PRELID2: variants seen among roughly 807,000 people sequenced by gnomAD.
The protein encoded by PRELID2 is PRELI domain-containing protein 2.
PRELID2 carries 25 observed loss-of-function variants against 28.4 expected under a neutral mutation model. That is an observed-to-expected ratio of 0.88 (90% CI 0.64 to 1.23). PRELID2 has a LOEUF of 1.23. Ranked by LOEUF, PRELID2 falls within the 50% of genes most tolerant of loss-of-function variation. The probability of loss-of-function intolerance (pLI) is 0.00; values close to 1 mark genes in which losing one functional copy is unlikely to be tolerated. For synonymous variants in PRELID2, 76 were observed against 71.6 expected (o/e 1.06, Z -0.31); for missense variants, 201 against 214.4 (o/e 0.94, Z 0.39).
chr5:145,556,853 C>T (rs1246579678), intron 1 of PRELID2, among the ~76,000 whole-genome samples: 1 of 152,154 alleles, frequency 6.6e-6, no homozygotes, highest in Non-Finnish European at 1.5e-5. Context: ...ACTCCTGTCT[C>T]CCTATATGCC....
At chr5:145,299,138 C>T in the PRELID2 span, among the ~76,000 whole-genome samples, 2 of 152,092 alleles carry the variant, frequency 1.3e-5, no homozygotes, top group African/African-American at 4.8e-5. Flanking sequence ...TTTGTTATAC[C>T]TGTACTTTAC....
the PRELID2 span, among the ~76,000 whole-genome samples, chr5:145,237,553 G>C: frequency 6.6e-6 from 1 of 152,060 alleles, no homozygotes. Flanking sequence ...AAATTGAGAG[G>C]TGGTGACACA....
intron 1 of PRELID2, among the ~76,000 whole-genome samples, chr5:145,729,602 C>A (rs1756277006): frequency 1.3e-5 from 2 of 152,118 alleles, no homozygotes; most frequent in African/African-American, 4.8e-5. Context: ...CCCATTGTTA[C>A]CCTGGTTCTT....
chr5:145,321,361 T>C, the PRELID2 span, among the ~76,000 whole-genome samples: 1 of 152,186 alleles, frequency 6.6e-6, no homozygotes, highest in Non-Finnish European at 1.5e-5. Flanking sequence ...TTTCTTGAAA[T>C]TTCTTCCTGG....
intron 1 of PRELID2, among the ~76,000 whole-genome samples, chr5:145,690,994 C>T (rs1197682825): frequency 6.6e-6 from 1 of 152,066 alleles, no homozygotes; most frequent in Non-Finnish European, 1.5e-5. Flanking sequence ...ATTATAATAG[C>T]CAACTCCAAC....
the PRELID2 span, among the ~76,000 whole-genome samples, chr5:145,408,658 G>T: frequency 6.6e-6 from 1 of 151,458 alleles, no homozygotes; most frequent in African/African-American, 2.4e-5. Context: ...AACCCAATGA[G>T]AAAAAGACAA....
the PRELID2 span, among the ~76,000 whole-genome samples, chr5:145,313,587 A>T: frequency 2.6e-5 from 4 of 152,166 alleles, no homozygotes; most frequent in East Asian, 7.7e-4. Flanking sequence ...GGACCCCTGT[A>T]GGTGGTGTTG....
At chr5:145,347,831 C>A in the PRELID2 span, among the ~76,000 whole-genome samples, 2 of 152,036 alleles carry the variant, frequency 1.3e-5, no homozygotes, top group Non-Finnish European at 2.9e-5. Context: ...TCTGTACTAT[C>A]TCTTCAGTAT....
At chr5:145,318,671 G>A in the PRELID2 span, among the ~76,000 whole-genome samples, 42 of 152,190 alleles carry the variant, frequency 2.8e-4, no homozygotes, top group Non-Finnish European at 5.0e-4. Flanking sequence ...ACCAGGACAA[G>A]GGCTTTTGGG....
At chr5:145,595,434 T>C (rs1753291538) in intron 1 of PRELID2, among the ~76,000 whole-genome samples, 1 of 152,064 alleles carries the variant, frequency 6.6e-6, no homozygotes, top group South Asian at 2.1e-4. Flanking sequence ...TCATAGACAA[T>C]ATAAATAAAA....
chr5:145,679,810 A>AAT (rs61046245), intron 1 of PRELID2, among the ~76,000 whole-genome samples: 3,405 of 147,896 alleles, frequency 0.023, 58 homozygotes, highest in South Asian at 0.059. Flanking sequence ...AGTTAGAATA[A>AAT]ATATATATAT....
rs1371660168 is a variant in PRELID2 at position 145,757,325 on chromosome 5, T to C, written c.*3211A>G. 6.6e-6 allele frequency among the ~76,000 whole-genome samples: 1 copy of C among 152,238 alleles called. No individual in the cohort carries two copies. Among genetic ancestry groups the C allele is most frequent in the Non-Finnish European group, 1.5e-5 (1 of 68,044 alleles). On this transcript the variant is annotated 3_prime_UTR_variant, in exon 7 of 7. Transcript: ENST00000683046. ...GGGATAGTTCAAGTCAGCTTCTCTC[T>C]GCATAAGAACTTTATACTGTGTCCT...
At chr5:145,242,236 C>T in the PRELID2 span, among the ~76,000 whole-genome samples, 3 of 151,896 alleles carry the variant, frequency 2.0e-5, no homozygotes, top group African/African-American at 7.2e-5. Context: ...AACCATGAAA[C>T]ACTTTCCACA....
intron 5 of PRELID2, among the ~76,000 whole-genome samples, chr5:145,785,883 A>G (rs1751961131): frequency 6.6e-6 from 1 of 152,168 alleles, no homozygotes; most frequent in African/African-American, 2.4e-5. Flanking sequence ...ACTATATCAG[A>G]AGATTCTGGT....
Position 145,560,964 on chromosome 5 carries a change from C to T in PRELID2, n.71-87649G>A, listed in dbSNP as rs76214288. Among the ~76,000 whole-genome samples the T allele has an allele frequency of 6.5e-3, 985 of 151,842 alleles. 11 individuals are homozygous for T. Among genetic ancestry groups the T allele is most frequent in the African/African-American group, 0.022 (905 of 41,376 alleles). On this transcript the variant is annotated intron_variant and non_coding_transcript_variant, in intron 1 of 2. Coordinates refer to the PRELID2 transcript ENST00000510259. The stretch of plus-strand genomic sequence containing the variant: ...TACCATCCCGACCTCATTTCCATGA[C>T]GTTGAACCACTCATTTGGGAATCAT...
At chr5:145,833,844 T>C (rs1035065543) in intron 1 of PRELID2, among the ~76,000 whole-genome samples, 6 of 152,236 alleles carry the variant, frequency 3.9e-5, no homozygotes, top group Non-Finnish European at 8.8e-5. Context: ...ATTTTGCTTA[T>C]GAAAACCGAA....
chr5:145,711,820 C>CA (rs1421309829), intron 1 of PRELID2, among the ~76,000 whole-genome samples: 1 of 146,210 alleles, frequency 6.8e-6, no homozygotes, highest in Non-Finnish European at 1.5e-5. Context: ...CAGGCAGAGG[C>CA]AGGGTAGCAC....
At chr5:145,294,139 C>T in the PRELID2 span, among the ~76,000 whole-genome samples, 2 of 152,082 alleles carry the variant, frequency 1.3e-5, no homozygotes, top group African/African-American at 4.8e-5. Flanking sequence ...AAATGTGAGT[C>T]TGTTTTCTGG....
chr5:145,681,113 G>A (rs1489081789), intron 1 of PRELID2, among the ~76,000 whole-genome samples: 1 of 152,194 alleles, frequency 6.6e-6, no homozygotes, highest in Non-Finnish European at 1.5e-5. Flanking sequence ...TCAGGGGGAA[G>A]CTGCTTCCCA....
Sources: allele counts gnomAD v4.1 joint callset (sites outside exome capture counted in the v4.1 genomes callset), GRCh38; gene constraint gnomAD v4.1.1; transcripts MANE v1.5; gene names NCBI Gene and HGNC (gene_info 2026-07-23, HGNC 2026-07-21).